DTNB: variants seen among roughly 807,000 people sequenced by gnomAD.
The protein encoded by DTNB is DTN-B.
Under a neutral mutation model 90.7 loss-of-function variants are expected in DTNB, and 63 were observed. That is an observed-to-expected ratio of 0.69 (90% CI 0.57 to 0.86). The LOEUF (loss-of-function observed/expected upper bound fraction) is 0.86, where lower values mean the gene tolerates loss of function less well. DTNB is among the 40% of genes least tolerant of loss of function. DTNB has a pLI of 0.00. For missense variants in DTNB, 744 were observed against 807.1 expected (o/e 0.92, Z 0.95); for synonymous variants, 277 against 286.7 (o/e 0.97, Z 0.34).
In DTNB at chr2:25,596,403, A is replaced by G. The variant is rs2064648298; in HGVS notation, c.449-163T>C. On this transcript the variant is annotated intron_variant, in intron 5 of 20. Coordinates refer to ENST00000406818, the MANE Select transcript of DTNB (RefSeq NM_021907.5). ...TAAAACTATTCTCATCCTTATTAAC[A>G]CTGTGTGGCTACCCTGCAGATGAGG... The G allele has an allele frequency of 4.0e-6, 3 of 742,460 alleles. No individual in the cohort carries two copies. In the East Asian group the frequency reaches 1.0e-4, roughly 26 times the overall value. The allele number at this position is 742,460 out of a possible 1,614,324, so 46.0% of individuals were successfully genotyped here.
At chr2:25,533,314 G>GAA (rs2078638725) in intron 8 of DTNB, among the ~76,000 whole-genome samples, 1 of 80,874 alleles carries the variant, frequency 1.2e-5, no homozygotes, top group South Asian at 3.4e-4. Context: ...GCGACAGAGT[G>GAA]AGACCCCATC....
intron 8 of DTNB, among the ~76,000 whole-genome samples, chr2:25,534,444 C>T (rs918555963): frequency 1.1e-4 from 16 of 152,240 alleles, no homozygotes; most frequent in Middle Eastern, 3.4e-3. Context: ...TGTTTCTTTT[C>T]CCCACATTTC....
At chr2:25,427,503 A>T in intron 15 of DTNB, 32 bp downstream of exon 15, 1 of 1,607,458 alleles carries the variant, frequency 6.2e-7, no homozygotes, top group Non-Finnish European at 8.5e-7. Flanking sequence ...GAGAAGAATG[A>T]CAAGAACTGA....
intron 1 of DTNB, among the ~76,000 whole-genome samples, chr2:25,662,726 T>C (rs2083503383): frequency 1.4e-5 from 2 of 147,346 alleles, no homozygotes; most frequent in African/African-American, 5.0e-5. Context: ...TATAAAGAAG[T>C]ATATGGAAAT....
chr2:25,444,976 G>A (rs2058176858), intron 12 of DTNB, among the ~76,000 whole-genome samples: 1 of 152,062 alleles, frequency 6.6e-6, no homozygotes, highest in Non-Finnish European at 1.5e-5. Flanking sequence ...AAACATATCA[G>A]TATTCATTCT....
At chr2:25,524,747 A>T (rs1206489720) in intron 9 of DTNB, among the ~76,000 whole-genome samples, 1 of 152,192 alleles carries the variant, frequency 6.6e-6, no homozygotes, top group East Asian at 1.9e-4. Context: ...TGGTGGAGCC[A>T]CAAGAGTAAA....
At chr2:25,438,706 C>G (rs1334319468) in intron 12 of DTNB, among the ~76,000 whole-genome samples, 1 of 152,184 alleles carries the variant, frequency 6.6e-6, no homozygotes, top group East Asian at 1.9e-4. Flanking sequence ...TTAAGAGAAG[C>G]CTGTGCATAG....
At chr2:25,538,996 T>C (rs968212606) in intron 8 of DTNB, among the ~76,000 whole-genome samples, 5 of 152,252 alleles carry the variant, frequency 3.3e-5, no homozygotes, top group Admixed American at 2.6e-4. Flanking sequence ...AAAACCTGTA[T>C]AGTTCTCTAT....
chr2:25,408,564 G>C (rs1484449363), intron 16 of DTNB, among the ~76,000 whole-genome samples: 25 of 86,580 alleles, frequency 2.9e-4, no homozygotes, highest in African/African-American at 1.2e-3. Flanking sequence ...AAAAAAAAAA[G>C]CACCACTTTA....
At chr2:25,584,126 T>C (rs1183842930) in intron 6 of DTNB, among the ~76,000 whole-genome samples, 1 of 152,174 alleles carries the variant, frequency 6.6e-6, no homozygotes, top group Non-Finnish European at 1.5e-5. Context: ...ATTTAAACAT[T>C]TTCATGGAGT....
At chr2:25,616,120 G>A (rs1238489721) in intron 4 of DTNB, among the ~76,000 whole-genome samples, 1 of 152,154 alleles carries the variant, frequency 6.6e-6, no homozygotes, top group East Asian at 1.9e-4. Context: ...AGACAAAACT[G>A]TATCTATTCC....
At chr2:25,636,514 T>G (rs1173163938) in intron 3 of DTNB, among the ~76,000 whole-genome samples, 1 of 152,216 alleles carries the variant, frequency 6.6e-6, no homozygotes, top group Non-Finnish European at 1.5e-5. Flanking sequence ...AAACGAGAGT[T>G]GTTCTAAGGC....
At chr2:25,658,908 T>C (rs1233015134) in intron 1 of DTNB, among the ~76,000 whole-genome samples, 1 of 152,154 alleles carries the variant, frequency 6.6e-6, no homozygotes, top group South Asian at 2.1e-4. Context: ...GAATCTTTAT[T>C]TTTTTAATCT....
At chr2:25,523,289 C>G (rs2076470963) in intron 9 of DTNB, among the ~76,000 whole-genome samples, 1 of 152,094 alleles carries the variant, frequency 6.6e-6, no homozygotes, top group Non-Finnish European at 1.5e-5. Flanking sequence ...GCTAGAAGGT[C>G]CTCAATAAGT....
chr2:25,669,341 AATTGT>A (rs1472920253), intron 1 of DTNB, among the ~76,000 whole-genome samples: 37 of 152,212 alleles, frequency 2.4e-4, no homozygotes, highest in Non-Finnish European at 1.3e-4. Flanking sequence ...TTGAAAAAAA[AATTGT>A]ATCTTTTCAT....
At chr2:25,465,764 TC>T (rs1457552940) in intron 10 of DTNB, among the ~76,000 whole-genome samples, 2 of 152,120 alleles carry the variant, frequency 1.3e-5, no homozygotes, top group East Asian at 3.9e-4. Context: ...CTCCGGAGGG[TC>T]CTTCCCTGAT....
At chr2:25,663,239 ACT>A (rs1394680090) in intron 1 of DTNB, among the ~76,000 whole-genome samples, 1 of 151,990 alleles carries the variant, frequency 6.6e-6, no homozygotes, top group Non-Finnish European at 1.5e-5. Flanking sequence ...AAGGACATGA[ACT>A]CATTCTTTTT....
chr2:25,573,120 T>C (rs1448065806), intron 8 of DTNB, among the ~76,000 whole-genome samples: 2 of 152,136 alleles, frequency 1.3e-5, no homozygotes, highest in East Asian at 3.9e-4. Flanking sequence ...TAATTTTTTG[T>C]AATTTTAGTA....
intron 9 of DTNB, among the ~76,000 whole-genome samples, chr2:25,499,424 G>A (rs114808140): frequency 0.014 from 2,058 of 152,248 alleles, 32 homozygotes; most frequent in African/African-American, 0.047. Context: ...GGGATCTGAG[G>A]ATGCCACATG....
Sources: allele counts gnomAD v4.1 joint callset (sites outside exome capture counted in the v4.1 genomes callset), GRCh38; gene constraint gnomAD v4.1.1; transcripts MANE v1.5; gene names NCBI Gene and HGNC (gene_info 2026-07-23, HGNC 2026-07-21).